NLRP12: variants seen among roughly 807,000 people sequenced by gnomAD.
NLRP12 encodes NACHT, LRR and PYD domains-containing protein 12.
A neutral mutation model predicts 91.2 loss-of-function variants in NLRP12; 108 were observed. The ratio of observed to expected loss-of-function variants is 1.18; its 90% CI spans 1.01 to 1.39. NLRP12 has a LOEUF of 1.39. NLRP12 is among the 40% of genes most tolerant of loss of function. NLRP12 has a pLI of 0.00. For missense variants in NLRP12, 1,530 were observed against 1,352.7 expected (o/e 1.13, Z -2.06); for synonymous variants, 613 against 566.7 (o/e 1.08, Z -1.16).
At chr19:53,800,512 G>C (rs1016448652) in intron 7 of NLRP12, among the ~76,000 whole-genome samples, 1 of 152,028 alleles carries the variant, frequency 6.6e-6, no homozygotes, top group Non-Finnish European at 1.5e-5. Context: ...CAGGCAAAGA[G>C]GGGACAGAGA....
At chr19:53,795,220 T>C (rs1332590681) in intron 9 of NLRP12, among the ~76,000 whole-genome samples, 1 of 151,092 alleles carries the variant, frequency 6.6e-6, no homozygotes, top group Admixed American at 6.7e-5. Context: ...AAACTTTGAT[T>C]GCATCACTGC....
At chr19:53,819,449 A>ATGTGTG (rs1489362788) in intron 1 of NLRP12, among the ~76,000 whole-genome samples, 10 of 14,068 alleles carry the variant, frequency 7.1e-4, no homozygotes, top group Non-Finnish European at 1.2e-3. Context: ...ATATATATAT[A>ATGTGTG]TATATATATG....
rs1160039078 is a variant in NLRP12, at chr19:53,813,299, C to CTTTTTTT, written c.370+1602_370+1608dup. ...TGCTATTCTTTTTTTTTTTTCTTTT[C>CTTTTTTT]TTTTTTTTTTTTTTTTTTTTTGAGA... is the stretch of plus-strand genomic sequence containing the variant. On this transcript the variant is annotated intron_variant, in intron 2 of 9. Coordinates refer to ENST00000324134, the MANE Select transcript of NLRP12 (RefSeq NM_144687.4). Among the ~76,000 whole-genome samples, 576 of 85,994 alleles carry CTTTTTTT rather than the reference C, an allele frequency of 6.7e-3. 2 individuals carry two copies. The highest frequency in any genetic ancestry group is 9.8e-3 in the African/African-American group (204 of 20,758). The allele number at this position is 85,994 out of a possible 152,430, so 56.4% of individuals were successfully genotyped here. A position where few individuals can be genotyped will look rare whatever the true frequency, so the allele number is the denominator to read the frequency against.
In NLRP12 at chr19:53,799,475, A is replaced by G. The variant is rs540647854; in HGVS notation, c.2757-1062T>C. Among the ~76,000 whole-genome samples the G allele has an allele frequency of 2.6e-5, 4 of 151,698 alleles. No individual in the cohort carries two copies. In the East Asian group the frequency reaches 7.8e-4, roughly 30 times the overall value. On this transcript the variant is annotated intron_variant, in intron 7 of 9. Coordinates refer to ENST00000324134, the MANE Select transcript of NLRP12 (RefSeq NM_144687.4). ...ATGCCACCACACACACATATACACAAATTACAAATTTTTCTTTTTTTTTTT... is the reference window on the plus strand; with the variant it reads ...ATGCCACCACACACACATATACACAGATTACAAATTTTTCTTTTTTTTTTT...
At chr19:53,805,786 G>T in intron 4 of NLRP12, 1 of 363,394 alleles carries the variant, frequency 2.8e-6, no homozygotes, top group East Asian at 6.8e-5. Flanking sequence ...CCAAAGTGCT[G>T]GAATTACAGG....
chr19:53,798,616 A>G (rs1487565926), intron 7 of NLRP12, among the ~76,000 whole-genome samples: 1 of 152,126 alleles, frequency 6.6e-6, no homozygotes, highest in African/African-American at 2.4e-5. Flanking sequence ...GCAACTAAGA[A>G]TCAGGCCAGG....
rs773087721 is a variant in NLRP12, at chr19:53,810,016, T to G, written c.1643A>C (p.Tyr548Ser). Reference protein sequence around the residue: ...DQDVTRLLTEYAFSERSFLAL... With the variant: ...DQDVTRLLTESAFSERSFLAL... ...CAGGAAGCTCCTTTCAGAAAACGCG[T>G]ACTCGGTCAACAGCCTGGTCACGTC... is the stretch of plus-strand genomic sequence containing the variant. The change falls in exon 3 of 10, where the codon TAC becomes TCC. Residue 548 changes from tyrosine (Y) to serine (S), a missense_variant. By Grantham distance (144) the Tyr-to-Ser change is moderately radical (BLOSUM62 -2). Transcript: ENST00000324134. The G allele has an allele frequency of 1.2e-6, 2 of 1,614,070 alleles. No individual in the cohort carries two copies. The highest frequency in any genetic ancestry group is 1.7e-6 in the Non-Finnish European group (2 of 1,180,026).
intron 7 of NLRP12, among the ~76,000 whole-genome samples, chr19:53,799,794 A>G (rs952354388): frequency 6.6e-6 from 1 of 152,084 alleles, no homozygotes; most frequent in Admixed American, 6.6e-5. Context: ...TCAGATTTCA[A>G]TAAATGATGC....
chr19:53,813,359 G>A (rs1169027688), intron 2 of NLRP12, among the ~76,000 whole-genome samples: 1 of 138,028 alleles, frequency 7.2e-6, no homozygotes, highest in Non-Finnish European at 1.5e-5. Context: ...CTGGAGTGCG[G>A]CGGCACGATT....
chr19:53,814,779 T>C, intron 2 of NLRP12, 129 bp downstream of exon 2: 2 of 775,966 alleles, frequency 2.6e-6, no homozygotes, highest in Non-Finnish European at 4.7e-6. Flanking sequence ...AGGAGGAAAC[T>C]GCCCCTTTGA....
chr19:53,804,395 TTTTTTG>T (rs931774884), intron 5 of NLRP12, among the ~76,000 whole-genome samples: 59 of 69,206 alleles, frequency 8.5e-4, no homozygotes, highest in African/African-American at 2.0e-3. Flanking sequence ...TTTTTTGGGT[TTTTTTG>T]TTTTTTTTTT....
intron 5 of NLRP12, among the ~76,000 whole-genome samples, chr19:53,804,469 C>G (rs1282809011): frequency 3.4e-5 from 5 of 146,998 alleles, no homozygotes; most frequent in African/African-American, 1.2e-4. Flanking sequence ...CGTGATCTTG[C>G]CTCACCGCAA....
chr19:53,803,949 C>T lies in NLRP12; in HGVS notation c.2585+3G>A. On this transcript the variant is annotated splice_donor_region_variant and intron_variant, in intron 6 of 9. Transcript: ENST00000324134. ...ATTATAGTTGACCCCAGGAAGAACT[C>T]ACCACAAAGTCCGTAGTCTGCAGAC... 2 of 1,613,862 alleles carry T rather than the reference C, an allele frequency of 1.2e-6. No homozygotes were observed. Among genetic ancestry groups the T allele is most frequent in the Non-Finnish European group, 1.7e-6 (2 of 1,179,788 alleles).
At chr19:53,799,493 T>C (rs2091831620) in intron 7 of NLRP12, among the ~76,000 whole-genome samples, 1 of 151,728 alleles carries the variant, frequency 6.6e-6, no homozygotes, top group Admixed American at 6.6e-5. Flanking sequence ...ATTTTTCTTT[T>C]TTTTTTTTGA....
At chr19:53,823,510 T>A (rs1599877553) in intron 1 of NLRP12, among the ~76,000 whole-genome samples, 1 of 48,014 alleles carries the variant, frequency 2.1e-5, no homozygotes, top group East Asian at 4.7e-4. Flanking sequence ...TTAAAATATA[T>A]ATTTAAAACA....
chr19:53,809,483 G>T, intron 3 of NLRP12, 104 bp downstream of exon 3: 2 of 1,195,758 alleles, frequency 1.7e-6, no homozygotes, highest in Non-Finnish European at 2.3e-6. Context: ...GTGAGCTGAG[G>T]TCACGCCAGT....
chr19:53,812,881 CTT>C (rs35896834), intron 2 of NLRP12, among the ~76,000 whole-genome samples: 57 of 125,514 alleles, frequency 4.5e-4, no homozygotes, highest in African/African-American at 7.7e-4. Flanking sequence ...ATCAATATCT[CTT>C]TTTTTTTTTT....
intron 1 of NLRP12, among the ~76,000 whole-genome samples, chr19:53,818,085 A>AATTT (rs1555798516): frequency 8.8e-6 from 1 of 114,262 alleles, no homozygotes; most frequent in Non-Finnish European, 2.0e-5. Context: ...GCTGGTTGGC[A>AATTT]ATTTTTTTTT....
intron 6 of NLRP12, among the ~76,000 whole-genome samples, chr19:53,802,772 A>G (rs2091896136): frequency 6.6e-6 from 1 of 151,852 alleles, no homozygotes; most frequent in South Asian, 2.1e-4. Flanking sequence ...CCACAATTAA[A>G]TTTACTTTTT....
Sources: allele counts gnomAD v4.1 joint callset (sites outside exome capture counted in the v4.1 genomes callset), GRCh38; gene constraint gnomAD v4.1.1; transcripts MANE v1.5; gene names NCBI Gene and HGNC (gene_info 2026-07-23, HGNC 2026-07-21).